The following NTM variants were observed in gnomAD, a reference collection of about 807,000 sequenced individuals.
The protein encoded by NTM is neurotrimin.
A neutral mutation model predicts 42.1 loss-of-function variants in NTM; 13 were observed. That is an observed-to-expected ratio of 0.31 (90% CI 0.20 to 0.49). The LOEUF is 0.49. Among genes scored for constraint, NTM ranks in the 20% least tolerant of loss-of-function variants. The pLI is 0.99. For missense variants in NTM, 373 were observed against 452.8 expected, an observed-to-expected ratio of 0.82 and a Z score of 1.60; for synonymous variants, 187 against 179.2, an observed-to-expected ratio of 1.04 and a Z score of -0.35.
intron 2 of NTM, among the ~76,000 whole-genome samples, chr11:132,036,720 T>A (rs968689890): frequency 3.9e-5 from 6 of 152,186 alleles, no homozygotes; most frequent in Non-Finnish European, 8.8e-5. Context: ...AATCTGAATA[T>A]TCCCTCATAT....
At chr11:132,298,255 A>ATATT (rs2094699966) in intron 4 of NTM, among the ~76,000 whole-genome samples, 1 of 152,234 alleles carries the variant, frequency 6.6e-6, no homozygotes, top group Non-Finnish European at 1.5e-5. Context: ...GCGGAGTGCT[A>ATATT]TATTTATCCC....
At chr11:132,243,186 C>A (rs2090506673) in intron 4 of NTM, among the ~76,000 whole-genome samples, 1 of 152,124 alleles carries the variant, frequency 6.6e-6, no homozygotes, top group Non-Finnish European at 1.5e-5. Context: ...TAACAAATTA[C>A]TGCTCAAATC....
chr11:132,333,640 G>C (rs2095840791), intron 8 of NTM, among the ~76,000 whole-genome samples: 1 of 152,186 alleles, frequency 6.6e-6, no homozygotes, highest in African/African-American at 2.4e-5. Context: ...AGGGTAGAGA[G>C]AATAAGTATC....
At chr11:131,530,516 G>C (rs1015528044) in intron 1 of NTM, among the ~76,000 whole-genome samples, 2 of 151,736 alleles carry the variant, frequency 1.3e-5, no homozygotes, top group African/African-American at 2.4e-5. Flanking sequence ...AAGGAGGGAA[G>C]GGAAAACACT....
At chr11:132,004,212 A>G (rs2070152454) in intron 2 of NTM, among the ~76,000 whole-genome samples, 1 of 152,170 alleles carries the variant, frequency 6.6e-6, no homozygotes, top group African/African-American at 2.4e-5. Context: ...GCCACTTTTT[A>G]CCACAACACT....
chr11:131,826,335 T>C (rs1346713122), intron 1 of NTM, among the ~76,000 whole-genome samples: 1 of 151,672 alleles, frequency 6.6e-6, no homozygotes, highest in Non-Finnish European at 1.5e-5. Context: ...AAGATAACAA[T>C]AAGGAGAGCT....
At chr11:132,139,450 G>A (rs1031928280) in intron 2 of NTM, among the ~76,000 whole-genome samples, 1 of 152,186 alleles carries the variant, frequency 6.6e-6, no homozygotes, top group Admixed American at 6.5e-5. Context: ...TCAAAGTGTT[G>A]TGCCATTCAT....
chr11:131,628,247 T>G (rs1659885096), intron 1 of NTM, among the ~76,000 whole-genome samples: 1 of 152,206 alleles, frequency 6.6e-6, no homozygotes, highest in Admixed American at 6.5e-5. Flanking sequence ...TCACAGATCT[T>G]TCACGGGTGA....
intron 1 of NTM, among the ~76,000 whole-genome samples, chr11:131,789,513 AAG>A (rs1257622384): frequency 5.7e-5 from 1 of 17,424 alleles, no homozygotes; most frequent in African/African-American, 3.1e-4. Flanking sequence ...GAAGAAGAAG[AAG>A]AAGAAGAAGA....
chr11:131,903,488 A>G (rs1249249286), intron 1 of NTM, among the ~76,000 whole-genome samples: 1 of 152,236 alleles, frequency 6.6e-6, no homozygotes, highest in Non-Finnish European at 1.5e-5. Context: ...GAAGACTTTT[A>G]ATCATCTTGA....
rs570119279 is a variant in NTM at position 131,490,235 on chromosome 11, C to T, written c.82+119347C>T. Among the ~76,000 whole-genome samples the T allele has an allele frequency of 2.5e-4, 38 of 152,286 alleles. No homozygotes were observed. In the South Asian group the frequency reaches 4.8e-3, roughly 19 times the overall value. ...CTGGAAATCAAATGTCAACATGAGG[C>T]GTGGTGGGGCCAAACAAACCATATC... On this transcript the variant is annotated intron_variant, in intron 1 of 8. Coordinates refer to ENST00000683400, the MANE Select transcript of NTM (RefSeq NM_001352005.2).
At chr11:131,717,736 T>C (rs1324157107) in intron 1 of NTM, among the ~76,000 whole-genome samples, 2 of 152,214 alleles carry the variant, frequency 1.3e-5, no homozygotes, top group African/African-American at 2.4e-5. Flanking sequence ...ATTAGCTAGA[T>C]TCTCCAGTAC....
intron 1 of NTM, among the ~76,000 whole-genome samples, chr11:131,789,550 GAAGAAGAAGAAGAAGAAGAAGA>G (rs2090285562): frequency 1.4e-4 from 1 of 6,934 alleles, no homozygotes; most frequent in African/African-American, 7.1e-4. Flanking sequence ...AAGAAGAAAA[GAAGAAGAAGAAGAAGAAGAAGA>G]AGAAGAAGAA....
Position 132,146,517 on chromosome 11 carries a change from AG to A in NTM, c.400+5del. On this transcript the variant is annotated splice_donor_region_variant and intron_variant, in intron 3 of 8. Transcript: ENST00000683400. This position sits in a 1 kb window ranked among gnomAD's most constrained non-coding sequence, Gnocchi z 4.5. ...TAGGGTCCACCTCATTGTGCAAGGT[AG>A]GTGGGCGGGGCTTGGCGGGGAGATC... The A allele has an allele frequency of 6.2e-7, 1 of 1,612,286 alleles. No individual in the cohort carries two copies.
chr11:131,688,526 C>T (rs1301200476), intron 1 of NTM, among the ~76,000 whole-genome samples: 7 of 152,250 alleles, frequency 4.6e-5, no homozygotes, highest in Non-Finnish European at 8.8e-5. Flanking sequence ...CTCCTCCCTC[C>T]GCCTGCTGCT....
intron 1 of NTM, among the ~76,000 whole-genome samples, chr11:131,791,253 C>T (rs759834026): frequency 8.5e-5 from 13 of 152,144 alleles, no homozygotes; most frequent in Non-Finnish European, 1.8e-4. Context: ...CAAACAACTC[C>T]CAACATCAAG....
chr11:131,401,799 AATATATATATAT>A (rs61167647), intron 1 of NTM, among the ~76,000 whole-genome samples: 548 of 34,962 alleles, frequency 0.016, 39 homozygotes, highest in Admixed American at 0.062. Context: ...GGCCACTGGA[AATATATATATAT>A]ATATATATAT....
chr11:131,826,861 C>T (rs750103122), intron 1 of NTM, among the ~76,000 whole-genome samples: 6 of 152,070 alleles, frequency 3.9e-5, no homozygotes, highest in Non-Finnish European at 5.9e-5. Context: ...GTAGGAGTAG[C>T]GTGCTTGCAA....
chr11:131,886,679 C>T (rs1345685567), intron 1 of NTM, among the ~76,000 whole-genome samples: 2 of 152,154 alleles, frequency 1.3e-5, no homozygotes, highest in Non-Finnish European at 2.9e-5. Flanking sequence ...CAGGTGAGAT[C>T]CCTGCAGAGG....
Sources: allele counts gnomAD v4.1 joint callset (sites outside exome capture counted in the v4.1 genomes callset), GRCh38; gene constraint gnomAD v4.1.1; non-coding constraint Gnocchi (gnomAD v3.1); transcripts MANE v1.5; gene names NCBI Gene and HGNC (gene_info 2026-07-23, HGNC 2026-07-21).